The following GLIS3 variants were observed in gnomAD, a reference collection of about 807,000 sequenced individuals.
The protein encoded by GLIS3 is zinc finger protein GLIS3.
Under a neutral mutation model 78.6 loss-of-function variants are expected in GLIS3, and 53 were observed. That is an observed-to-expected ratio of 0.67 (90% confidence interval 0.54 to 0.85). The LOEUF (loss-of-function observed/expected upper bound fraction) is 0.85. Ranked by LOEUF, GLIS3 falls within the 40% of genes least tolerant of loss-of-function variation. The pLI, the probability that GLIS3 is intolerant of heterozygous loss-of-function variation, is 0.00. For missense variants in GLIS3, 1,703 were observed against 1,231.1 expected, an observed-to-expected ratio of 1.38 and a Z score of -5.74; for synonymous variants, 684 against 509.9, an observed-to-expected ratio of 1.34 and a Z score of -4.60.
chr9:4,277,599 C>G (rs971099458), intron 2 of GLIS3, among the ~76,000 whole-genome samples: 7 of 152,044 alleles, frequency 4.6e-5, no homozygotes, highest in African/African-American at 7.2e-5. Context: ...AATGAATAAC[C>G]CACAAACGCT....
chr9:4,277,403 A>G (rs189178987), intron 2 of GLIS3, among the ~76,000 whole-genome samples: 17 of 152,334 alleles, frequency 1.1e-4, no homozygotes, highest in South Asian at 2.1e-4. Context: ...AATAAACATG[A>G]AACTTGATGT....
the GLIS3 span, among the ~76,000 whole-genome samples, chr9:4,366,285 G>C: frequency 8.6e-5 from 13 of 151,666 alleles, no homozygotes; most frequent in African/African-American, 2.2e-4. Flanking sequence ...AATCATTGTC[G>C]TCAAATAATT....
the GLIS3 span, among the ~76,000 whole-genome samples, chr9:4,396,751 G>A: frequency 6.6e-6 from 1 of 152,256 alleles, no homozygotes; most frequent in South Asian, 2.1e-4. Context: ...GGAGATTCCA[G>A]GACATACCTC....
At chr9:4,047,085 G>A (rs781053344) in intron 4 of GLIS3, among the ~76,000 whole-genome samples, 3 of 152,134 alleles carry the variant, frequency 2.0e-5, no homozygotes, top group Non-Finnish European at 4.4e-5. Flanking sequence ...CATGAGTTGA[G>A]GGAGAAACCT....
At chr9:3,986,954 G>A (rs892241477) in intron 4 of GLIS3, among the ~76,000 whole-genome samples, 2 of 152,048 alleles carry the variant, frequency 1.3e-5, no homozygotes, top group Non-Finnish European at 2.9e-5. Context: ...ATCACAACTT[G>A]AGTAAAAAAA....
chr9:3,954,250 G>C (rs974702720), intron 4 of GLIS3, among the ~76,000 whole-genome samples: 4 of 152,186 alleles, frequency 2.6e-5, no homozygotes, highest in African/African-American at 9.7e-5. Context: ...TCTATGGTTT[G>C]TCACTTAACA....
chr9:3,952,356 C>A (rs145406255), intron 4 of GLIS3, among the ~76,000 whole-genome samples: 54 of 152,260 alleles, frequency 3.5e-4, no homozygotes, highest in South Asian at 1.0e-3. Flanking sequence ...GAAGCCCCCC[C>A]AGAGGCACCA....
intron 4 of GLIS3, among the ~76,000 whole-genome samples, chr9:4,113,427 T>C (rs1286315819): frequency 6.6e-6 from 1 of 152,202 alleles, no homozygotes; most frequent in Non-Finnish European, 1.5e-5. Context: ...CCAAAGTGGT[T>C]ACACCAATTT....
intron 9 of GLIS3, among the ~76,000 whole-genome samples, chr9:3,849,959 G>T (rs1819319119): frequency 6.6e-6 from 1 of 152,074 alleles, no homozygotes; most frequent in African/African-American, 2.4e-5. Context: ...TGCACACTGG[G>T]GTTGTTGGTG....
intron 2 of GLIS3, among the ~76,000 whole-genome samples, chr9:4,140,937 T>C (rs1414109452): frequency 6.6e-6 from 1 of 152,166 alleles, no homozygotes; most frequent in East Asian, 1.9e-4. Flanking sequence ...TAGCTGGGAT[T>C]ATCGGCGCGT....
the GLIS3 span, among the ~76,000 whole-genome samples, chr9:4,388,446 A>C: frequency 1.3e-5 from 2 of 152,046 alleles, no homozygotes; most frequent in Non-Finnish European, 2.9e-5. Flanking sequence ...TGGGAGGCTG[A>C]GGTGGGCAGA....
intron 2 of GLIS3, among the ~76,000 whole-genome samples, chr9:4,126,481 A>G (rs1564088952): frequency 6.6e-6 from 1 of 151,960 alleles, no homozygotes; most frequent in East Asian, 1.9e-4. Context: ...CATCTACTCA[A>G]TTTTTTAAAA....
intron 2 of GLIS3, among the ~76,000 whole-genome samples, chr9:4,209,530 GTC>G (rs1563759916): frequency 6.6e-6 from 1 of 152,138 alleles, no homozygotes; most frequent in Non-Finnish European, 1.5e-5. Context: ...CCAGCAACAA[GTC>G]TGTGCTATTC....
intron 2 of GLIS3, among the ~76,000 whole-genome samples, chr9:4,201,438 A>C (rs1456067648): frequency 6.6e-6 from 1 of 152,190 alleles, no homozygotes; most frequent in Admixed American, 6.5e-5. Flanking sequence ...GAAAACTCTA[A>C]AGACTCCACC....
At chr9:4,335,909 G>C (rs1817749690) in intron 2 of GLIS3, among the ~76,000 whole-genome samples, 1 of 152,152 alleles carries the variant, frequency 6.6e-6, no homozygotes, top group Non-Finnish European at 1.5e-5. Flanking sequence ...TTAATACAGA[G>C]CTATGACAAC....
At chr9:4,388,521 C>G in the GLIS3 span, among the ~76,000 whole-genome samples, 1 of 151,686 alleles carries the variant, frequency 6.6e-6, no homozygotes, top group Admixed American at 6.6e-5. Flanking sequence ...ACTAAAAATA[C>G]AAAAATTAGC....
intron 8 of GLIS3, among the ~76,000 whole-genome samples, chr9:3,874,356 G>A (rs1390752547): frequency 8.5e-5 from 13 of 152,156 alleles, no homozygotes; most frequent in African/African-American, 1.4e-4. Context: ...GCCTGGAGAG[G>A]GCATGGAGGT....
the GLIS3 span, among the ~76,000 whole-genome samples, chr9:4,462,678 T>C: frequency 6.6e-6 from 1 of 151,480 alleles, no homozygotes; most frequent in African/African-American, 2.4e-5. Flanking sequence ...CTGGGTGTGT[T>C]GTATGTCTGT....
chr9:3,872,264 A>G (rs151136294), intron 8 of GLIS3, among the ~76,000 whole-genome samples: 136 of 152,302 alleles, frequency 8.9e-4, no homozygotes, highest in East Asian at 4.4e-3. Context: ...ACATTTTCCT[A>G]TCTTCTTCTG....
Sources: gnomAD v4.1 joint callset for allele counts (sites outside exome capture counted in the v4.1 genomes callset) on GRCh38, gnomAD v4.1.1 for gene constraint, MANE v1.5 for transcripts, NCBI Gene and HGNC (gene_info 2026-07-23, HGNC 2026-07-21) for gene names.